NKAP: variants seen among roughly 807,000 people sequenced by gnomAD.
NKAP encodes NFKB activating protein.
A neutral mutation model predicts 35.6 loss-of-function variants in NKAP; 4 were observed. The ratio of observed to expected loss-of-function variants is 0.11; its 90% CI spans 0.06 to 0.26. NKAP has a LOEUF of 0.26. Ranked by LOEUF, NKAP falls within the 10% of genes least tolerant of loss-of-function variation. The pLI, the probability that NKAP is intolerant of heterozygous loss-of-function variation, is 1.00. For missense variants in NKAP, 238 were observed against 321.9 expected (o/e 0.74, Z 1.99); for synonymous variants, 106 against 119.2 (o/e 0.89, Z 0.72).
Position 119,921,028 on chromosome X carries a change from T to G in NKAP, c.*4192A>C, listed in dbSNP as rs1284761549. On this transcript the variant is annotated 3_prime_UTR_variant, in exon 9 of 9. Coordinates refer to ENST00000371410, the MANE Select transcript of NKAP (RefSeq NM_024528.4). ...GTTCTACAGCTCATAATATAACCAGTCTGAAGGGTTCCCCTACTCACAGAC... is the reference window on the plus strand; with the variant it reads ...GTTCTACAGCTCATAATATAACCAGGCTGAAGGGTTCCCCTACTCACAGAC... 1.8e-5 allele frequency: 2 copies of G among 114,104 alleles called. No individual in the cohort carries two copies. Among genetic ancestry groups the G allele is most frequent in the African/African-American group, 6.5e-5 (2 of 30,884 alleles). The allele number at this position is 114,104 out of a possible 1,213,427, so 9.4% of individuals were successfully genotyped here.
At chrX:119,929,789 T>G (rs1939068047) in intron 8 of NKAP, among the ~76,000 whole-genome samples, 1 of 112,238 alleles carries the variant, frequency 8.9e-6, no homozygotes, top group Non-Finnish European at 1.9e-5. Flanking sequence ...GAAGATTGAT[T>G]CTTTGAAGTC....
chrX:119,941,897 G>A (rs990357537), intron 1 of NKAP, among the ~76,000 whole-genome samples: 1 of 111,870 alleles, frequency 8.9e-6, no homozygotes, highest in African/African-American at 3.2e-5. Context: ...CTAAAGTGTT[G>A]GGATTACAGG....
rs2056694195 is a variant in NKAP, at chrX:119,922,980, G to A, written c.*2240C>T. Reference sequence around the variant, plus strand: ...AATCCCAGCATTTCAGGAGGCTGAGGCGGGCAGATCACTTGAGGTCAGGAG... The same window carrying A: ...AATCCCAGCATTTCAGGAGGCTGAGACGGGCAGATCACTTGAGGTCAGGAG... On this transcript the variant is annotated 3_prime_UTR_variant, in exon 9 of 9. Coordinates refer to ENST00000371410, the MANE Select transcript of NKAP (RefSeq NM_024528.4). 9.0e-6 allele frequency: 1 copy of A among 111,297 alleles called. No individual in the cohort carries two copies. Among genetic ancestry groups the A allele is most frequent in the South Asian group, 3.7e-4 (1 of 2,667 alleles). 9.2% of individuals were successfully genotyped at this position (111,297 alleles called of 1,213,427 possible).
At position 119,924,640 on chromosome X, in the gene NKAP, C is replaced by T. The variant is rs1350310098; in HGVS notation, c.*580G>A. 2 of 110,317 alleles carry T rather than the reference C, an allele frequency of 1.8e-5. No individual in the cohort carries two copies. The highest frequency in any genetic ancestry group is 3.8e-5 in the Non-Finnish European group (2 of 53,068). The allele number at this position is 110,317 out of a possible 1,213,427, so 9.1% of individuals were successfully genotyped here. On this transcript the variant is annotated 3_prime_UTR_variant, in exon 9 of 9. Coordinates refer to ENST00000371410, the MANE Select transcript of NKAP (RefSeq NM_024528.4). ...TCCTGACCTCAGGTGATCCACCCGC[C>T]TTGGCCTCCCAAAGTGCTGGGATTA... is the stretch of plus-strand genomic sequence containing the variant.
At chrX:119,939,252 G>A (rs2056780811) in intron 1 of NKAP, among the ~76,000 whole-genome samples, 1 of 111,590 alleles carries the variant, frequency 9.0e-6, no homozygotes. Flanking sequence ...GAAAACAACT[G>A]AAGTTCTGAA....
chrX:119,930,289 C>A (rs16995689), intron 7 of NKAP, 124 bp from the exon 8 acceptor site: 9 of 660,073 alleles, frequency 1.4e-5, no homozygotes, highest in Non-Finnish European at 2.0e-5. Context: ...AATAACAGTG[C>A]TCAGCAGTAG....
intron 5 of NKAP, among the ~76,000 whole-genome samples, chrX:119,933,836 G>A (rs984187130): frequency 9.0e-6 from 1 of 110,562 alleles, no homozygotes; most frequent in East Asian, 2.8e-4. Flanking sequence ...GTTTTGTTTT[G>A]TTTTAAAGAA....
intron 7 of NKAP, among the ~76,000 whole-genome samples, chrX:119,930,911 C>T (rs1012908361): frequency 3.6e-5 from 4 of 111,051 alleles, no homozygotes; most frequent in Non-Finnish European, 7.5e-5. Flanking sequence ...GAGGTTGAGG[C>T]GGGCAGATCA....
In NKAP at chrX:119,925,106, G is replaced by A. The variant is rs1234787385; in HGVS notation, c.*114C>T. On this transcript the variant is annotated 3_prime_UTR_variant, in exon 9 of 9. Coordinates refer to ENST00000371410, the MANE Select transcript of NKAP (RefSeq NM_024528.4). ...AAGGACTGAAAGAATTAAATAGAAGGCACAGTAGCACTGTAAAGCTTTCTC... is the reference window on the plus strand; with the variant it reads ...AAGGACTGAAAGAATTAAATAGAAGACACAGTAGCACTGTAAAGCTTTCTC... 3 of 721,607 alleles carry A rather than the reference G, an allele frequency of 4.2e-6. No individual in the cohort carries two copies. Among genetic ancestry groups the A allele is most frequent in the Admixed American group, 6.4e-5 (2 of 31,366 alleles). The allele number at this position is 721,607 out of a possible 1,213,427, so 59.5% of individuals were successfully genotyped here.
rs1473731880 is a variant in NKAP at position 119,930,173 on chromosome X, G to A, written c.924-8C>T. ...AACAGAGCATGGCCATAGCTACAAA[G>A]TAATTCAGAATTCAGAAAAGGTCCA... On this transcript the variant is annotated splice_polypyrimidine_tract_variant and splice_region_variant and intron_variant, in intron 7 of 8. Transcript: ENST00000371410. The A allele has an allele frequency of 1.7e-6, 2 of 1,175,929 alleles. No individual in the cohort carries two copies. The highest frequency in any genetic ancestry group is 3.1e-5 in the East Asian group (1 of 32,703).
At position 119,922,630 on chromosome X, in the gene NKAP, A is replaced by T. The variant is rs1462669921; in HGVS notation, c.*2590T>A. ...GTAGTCCCAGCTGCTCGGGAGGCTG[A>T]GGTGGAGGATTGCTTGAGCCCAGGA... On this transcript the variant is annotated 3_prime_UTR_variant, in exon 9 of 9. Transcript: ENST00000371410. 2 of 111,141 alleles carry T rather than the reference A, an allele frequency of 1.8e-5. No homozygotes were observed. The highest frequency in any genetic ancestry group is 5.7e-4 in the East Asian group (2 of 3,530). 9.2% of individuals were successfully genotyped at this position (111,141 alleles called of 1,213,427 possible). A position where few individuals can be genotyped will look rare whatever the true frequency, so the allele number is the denominator to read the frequency against.
At chrX:119,927,867 T>C (rs748993773) in intron 8 of NKAP, among the ~76,000 whole-genome samples, 4 of 112,309 alleles carry the variant, frequency 3.6e-5, no homozygotes, top group East Asian at 2.8e-4. Context: ...TGGGACTGTA[T>C]TGAATATAAA....
Position 119,926,464 on chromosome X carries a change from G to A in NKAP, c.1074-1070C>T, listed in dbSNP as rs778056688. On this transcript the variant is annotated intron_variant, in intron 8 of 8. Transcript: ENST00000371410. ...GTATTTTTAGTAGAGATGGGGTTTC[G>A]CCATGTTGGCCATGCTGGTTTCGAA... Among the ~76,000 whole-genome samples, 26 of 106,540 alleles carry A rather than the reference G, an allele frequency of 2.4e-4. No homozygotes were observed. The East Asian group carries it at 7.5e-3, about 31-fold the overall frequency. The allele number at this position is 106,540 out of a possible 115,157, so 92.5% of individuals were successfully genotyped here.
Position 119,943,232 on chromosome X carries a change from C to A in NKAP, c.374G>T (p.Ser125Ile). ...PSLLDKEREE[S>I]LRQKRLSERE... Reference sequence around the variant, plus strand: ...CCGTCTCACTCACTTCTGCCGCAGGCTCTCCTCCCTCTCCTTGTCGAGGAG... The same window carrying A: ...CCGTCTCACTCACTTCTGCCGCAGGATCTCCTCCCTCTCCTTGTCGAGGAG... The change falls in exon 1 of 9, where the codon AGC becomes ATC. Residue 125 changes from serine (S) to isoleucine (I), a missense_variant. By Grantham distance (142) the Ser-to-Ile change is moderately radical. Coordinates refer to ENST00000371410, the MANE Select transcript of NKAP (RefSeq NM_024528.4). 8.4e-7 allele frequency: 1 copy of A among 1,184,688 alleles called. No homozygotes were observed. The highest frequency in any genetic ancestry group is 1.1e-6 in the Non-Finnish European group (1 of 880,710).
At chrX:119,942,345 G>A (rs889646710) in intron 1 of NKAP, among the ~76,000 whole-genome samples, 6 of 110,779 alleles carry the variant, frequency 5.4e-5, no homozygotes, top group Middle Eastern at 4.6e-3. Flanking sequence ...GTGGTGGTGC[G>A]CACCTATAGT....
intron 2 of NKAP, chrX:119,937,923 T>C (rs779837971): frequency 8.9e-6 from 1 of 111,927 alleles, no homozygotes; most frequent in South Asian, 3.7e-4. Context: ...TCAAGCACAT[T>C]GTCTCAACTC....
intron 7 of NKAP, among the ~76,000 whole-genome samples, chrX:119,931,551 A>C (rs1341298218): frequency 8.9e-6 from 1 of 112,101 alleles, no homozygotes; most frequent in African/African-American, 3.2e-5. Context: ...AAAAAAGAGA[A>C]AAAAAGGAAT....
chrX:119,929,298 G>A (rs1308166809), intron 8 of NKAP, among the ~76,000 whole-genome samples: 1 of 111,698 alleles, frequency 9.0e-6, no homozygotes, highest in Non-Finnish European at 1.9e-5. Context: ...ACAAGATTCT[G>A]GAGGTGCTTC....
intron 8 of NKAP, 96 bp from the exon 9 acceptor site, chrX:119,925,490 G>A: frequency 1.1e-6 from 1 of 882,903 alleles, no homozygotes; most frequent in Non-Finnish European, 1.5e-6. Context: ...CTATTTAACA[G>A]CTGACAAAAA....
Sources: allele counts gnomAD v4.1 joint callset (sites outside exome capture counted in the v4.1 genomes callset), GRCh38; gene constraint gnomAD v4.1.1; transcripts MANE v1.5; gene names NCBI Gene and HGNC (gene_info 2026-07-23, HGNC 2026-07-21).